AUTS2: variants seen among roughly 807,000 people sequenced by gnomAD.
AUTS2 encodes the protein autism susceptibility gene 2 protein.
Under a neutral mutation model 112.4 loss-of-function variants are expected in AUTS2, and 17 were observed. That is an observed-to-expected ratio of 0.15 (90% CI 0.10 to 0.23). The LOEUF (loss-of-function observed/expected upper bound fraction) is 0.23. Among genes scored for constraint, AUTS2 ranks in the 10% least tolerant of loss-of-function variants. The probability of loss-of-function intolerance (pLI) is 1.00; values close to 1 mark genes in which losing one functional copy is unlikely to be tolerated. For missense variants in AUTS2, 1,510 were observed against 1,701.6 expected (o/e 0.89, Z 1.98); for synonymous variants, 751 against 702.7 (o/e 1.07, Z -1.09).
At chr7:70,429,206 A>G (rs1297631510) in intron 4 of AUTS2, among the ~76,000 whole-genome samples, 2 of 152,216 alleles carry the variant, frequency 1.3e-5, no homozygotes, top group African/African-American at 2.4e-5. Flanking sequence ...TTTGAACAAT[A>G]CTCAAGAAGA....
intron 1 of AUTS2, among the ~76,000 whole-genome samples, chr7:69,799,484 C>T (rs149273984): frequency 0.014 from 2,088 of 152,136 alleles, 26 homozygotes; most frequent in Middle Eastern, 0.031. Context: ...TTTGGGGAAC[C>T]GGTATTTTAG....
chr7:69,861,400 A>G (rs549423099), intron 1 of AUTS2, among the ~76,000 whole-genome samples: 2 of 152,182 alleles, frequency 1.3e-5, no homozygotes, highest in East Asian at 1.9e-4. Context: ...GATGTTCCCT[A>G]TAAAGCAGCC....
At chr7:70,508,887 G>T (rs1201155674) in intron 5 of AUTS2, among the ~76,000 whole-genome samples, 1 of 152,202 alleles carries the variant, frequency 6.6e-6, no homozygotes, top group Non-Finnish European at 1.5e-5. Context: ...AAGCAAGGAA[G>T]ACCCTGAGTT....
chr7:70,321,705 T>A (rs1053183261), intron 4 of AUTS2, among the ~76,000 whole-genome samples: 4 of 152,280 alleles, frequency 2.6e-5, no homozygotes, highest in Admixed American at 1.3e-4. Context: ...CAGATAAATA[T>A]GCAGATAGTT....
At chr7:70,096,482 C>T (rs1364472999) in intron 2 of AUTS2, among the ~76,000 whole-genome samples, 2 of 151,186 alleles carry the variant, frequency 1.3e-5, no homozygotes, top group Non-Finnish European at 2.9e-5. Flanking sequence ...CCTGTAATCC[C>T]AGCTAACTAG....
At chr7:69,714,249 ATG>A (rs200192496) in intron 1 of AUTS2, among the ~76,000 whole-genome samples, 1,034 of 92,788 alleles carry the variant, frequency 0.011, 9 homozygotes, top group African/African-American at 0.015. Context: ...GTGTGTGTAT[ATG>A]TGTGTGTGTG....
intron 1 of AUTS2, among the ~76,000 whole-genome samples, chr7:69,775,573 A>T (rs896825011): frequency 3.7e-4 from 56 of 152,138 alleles, no homozygotes; most frequent in African/African-American, 1.3e-3. Context: ...TGGCTGGTCC[A>T]CCCAGATAAA....
chr7:70,634,679 A>G (rs1805444779), intron 5 of AUTS2, among the ~76,000 whole-genome samples: 2 of 152,164 alleles, frequency 1.3e-5, no homozygotes, highest in South Asian at 2.1e-4. Context: ...GACCATGTGC[A>G]TATGGACCCA....
chr7:70,533,063 A>G (rs1220003700), intron 5 of AUTS2, among the ~76,000 whole-genome samples: 1 of 152,304 alleles, frequency 6.6e-6, no homozygotes, highest in East Asian at 1.9e-4. Flanking sequence ...ATGCCTCAGC[A>G]TTTTACTGTC....
At chr7:70,734,860 G>T (rs1048231519) in intron 6 of AUTS2, among the ~76,000 whole-genome samples, 1 of 152,034 alleles carries the variant, frequency 6.6e-6, no homozygotes, top group Non-Finnish European at 1.5e-5. Flanking sequence ...ACATTAGAAG[G>T]CCTGCTTTCA....
intron 1 of AUTS2, among the ~76,000 whole-genome samples, chr7:69,837,926 G>A (rs533301589): frequency 2.0e-5 from 3 of 152,280 alleles, no homozygotes; most frequent in African/African-American, 7.2e-5. Context: ...TCTCTGTTGA[G>A]CAGCAGCCTC....
intron 4 of AUTS2, among the ~76,000 whole-genome samples, chr7:70,245,976 T>C (rs12112887): frequency 0.038 from 5,763 of 152,266 alleles, 147 homozygotes; most frequent in Middle Eastern, 0.082. Flanking sequence ...TGGTTTTAAT[T>C]TGAATTTTTC....
intron 17 of AUTS2, 105 bp downstream of exon 17, chr7:70,786,143 G>A (rs1369189989): frequency 3.1e-6 from 3 of 973,398 alleles, no homozygotes; most frequent in Non-Finnish European, 4.7e-6. Flanking sequence ...GCTCTGGGGG[G>A]ACCAGTGTAG....
intron 4 of AUTS2, among the ~76,000 whole-genome samples, chr7:70,265,005 G>A (rs1183338184): frequency 6.6e-6 from 1 of 152,180 alleles, no homozygotes; most frequent in Admixed American, 6.5e-5. Flanking sequence ...CCAAACATTA[G>A]AGTTCAAGGC....
At chr7:70,113,553 A>G (rs926828509) in intron 2 of AUTS2, among the ~76,000 whole-genome samples, 1 of 152,192 alleles carries the variant, frequency 6.6e-6, no homozygotes, top group Non-Finnish European at 1.5e-5. Context: ...TTTTGCATAG[A>G]GTTCATTTAC....
At chr7:70,096,691 C>T (rs575669776) in intron 2 of AUTS2, among the ~76,000 whole-genome samples, 1 of 150,356 alleles carries the variant, frequency 6.7e-6, no homozygotes, top group African/African-American at 2.4e-5. Context: ...ATTATTATTA[C>T]ATCAGATTTA....
At chr7:69,893,894 C>T (rs941698382) in intron 1 of AUTS2, among the ~76,000 whole-genome samples, 23 of 152,198 alleles carry the variant, frequency 1.5e-4, no homozygotes, top group South Asian at 2.1e-4. Flanking sequence ...TCAAGAGTGG[C>T]GAGGAGGCCT....
chr7:70,171,866 T>C (rs1808708552), intron 4 of AUTS2, among the ~76,000 whole-genome samples: 1 of 150,238 alleles, frequency 6.7e-6, no homozygotes, highest in South Asian at 2.1e-4. Context: ...GGGAAATTGC[T>C]ACAGAATGTA....
At chr7:69,764,088 C>A (rs1440389624) in intron 1 of AUTS2, among the ~76,000 whole-genome samples, 1 of 152,180 alleles carries the variant, frequency 6.6e-6, no homozygotes, top group Non-Finnish European at 1.5e-5. Context: ...GGCCACTTGC[C>A]CATGATCGTC....
Sources: gnomAD v4.1 joint callset for allele counts (sites outside exome capture counted in the v4.1 genomes callset) on GRCh38, gnomAD v4.1.1 for gene constraint, MANE v1.5 for transcripts, NCBI Gene and HGNC (gene_info 2026-07-23, HGNC 2026-07-21) for gene names.